Variants in TPST1 observed in about 807,000 individuals in gnomAD.
TPST1 encodes the protein tyrosylprotein sulfotransferase 1.
TPST1 carries 20 observed loss-of-function variants against 34.8 expected under a neutral mutation model. The ratio of observed to expected loss-of-function variants is 0.57; its 90% CI spans 0.40 to 0.84. The LOEUF (loss-of-function observed/expected upper bound fraction) is 0.84, where lower values mean the gene tolerates loss of function less well. TPST1 is among the 40% of genes least tolerant of loss of function. TPST1 has a pLI of 0.00. For synonymous variants in TPST1, 152 were observed against 159.4 expected (o/e 0.95, Z 0.35); for missense variants, 353 against 455.5 (o/e 0.78, Z 2.05).
chr7:66,343,611 AGT>A (rs1792283291), intron 3 of TPST1, among the ~76,000 whole-genome samples: 1 of 152,248 alleles, frequency 6.6e-6, no homozygotes, highest in Non-Finnish European at 1.5e-5. Context: ...TACACAAAAC[AGT>A]AAACACAGCC....
intron 1 of TPST1, among the ~76,000 whole-genome samples, chr7:66,226,476 A>G (rs1789658246): frequency 6.6e-6 from 1 of 152,196 alleles, no homozygotes. Context: ...TCTGCAAGTT[A>G]AGAAACATCC....
At chr7:66,200,945 C>G (rs1789028652), upstream of TPST1, among the ~76,000 whole-genome samples, 1 of 151,916 alleles carries the variant, frequency 6.6e-6, no homozygotes, top group Non-Finnish European at 1.5e-5. Context: ...CCAGGCTGGT[C>G]TCGAACTACT....
intron 3 of TPST1, among the ~76,000 whole-genome samples, chr7:66,312,490 T>C (rs1481444439): frequency 6.6e-6 from 1 of 152,160 alleles, no homozygotes; most frequent in Non-Finnish European, 1.5e-5. Context: ...CAGGAGAAAA[T>C]AGGAGATACT....
chr7:66,274,002 CTT>C (rs369597189), intron 2 of TPST1, among the ~76,000 whole-genome samples: 2 of 148,544 alleles, frequency 1.3e-5, no homozygotes, highest in African/African-American at 4.9e-5. Context: ...TCTTTCTTTT[CTT>C]TTTTTTTTCT....
At chr7:66,283,117 A>C (rs1255413987) in intron 2 of TPST1, among the ~76,000 whole-genome samples, 1 of 151,966 alleles carries the variant, frequency 6.6e-6, no homozygotes. Flanking sequence ...ACAAAAATTA[A>C]CTGGGTATGG....
chr7:66,235,685 G>T (rs771229477), intron 1 of TPST1, among the ~76,000 whole-genome samples: 4 of 152,158 alleles, frequency 2.6e-5, no homozygotes, highest in African/African-American at 7.2e-5. Flanking sequence ...TGGGGAACAC[G>T]CCTGTGAAGC....
chr7:66,296,206 G>A (rs1435773159), intron 3 of TPST1, among the ~76,000 whole-genome samples: 1 of 149,090 alleles, frequency 6.7e-6, no homozygotes, highest in Non-Finnish European at 1.5e-5. Flanking sequence ...GTTTTTGAAA[G>A]GATTTCAAAA....
intron 2 of TPST1, among the ~76,000 whole-genome samples, chr7:66,268,769 A>T (rs1562822462): frequency 6.6e-6 from 1 of 151,974 alleles, no homozygotes; most frequent in African/African-American, 2.4e-5. Flanking sequence ...GCTCACTGCA[A>T]CCTCTGCCTC....
intron 2 of TPST1, among the ~76,000 whole-genome samples, chr7:66,277,272 T>G (rs542392751): frequency 6.6e-6 from 1 of 152,362 alleles, no homozygotes; most frequent in Admixed American, 6.5e-5. Flanking sequence ...TTTGGTTTGA[T>G]GAAACCCTTC....
chr7:66,357,719 T>C (rs1216503452), intron 5 of TPST1, among the ~76,000 whole-genome samples: 1 of 152,176 alleles, frequency 6.6e-6, no homozygotes, highest in Non-Finnish European at 1.5e-5. Flanking sequence ...ACCCAAACTT[T>C]CTTAAGATCA....
intron 3 of TPST1, among the ~76,000 whole-genome samples, chr7:66,320,536 C>T (rs910260565): frequency 2.2e-4 from 34 of 151,448 alleles, no homozygotes; most frequent in African/African-American, 4.9e-4. Flanking sequence ...CGTGAGCCAC[C>T]GCGCCCAGCC....
chr7:66,250,594 C>G (rs1290621023), intron 2 of TPST1, among the ~76,000 whole-genome samples: 1 of 152,122 alleles, frequency 6.6e-6, no homozygotes, highest in Non-Finnish European at 1.5e-5. Context: ...TCCCCCTTAT[C>G]TGCAGATGAT....
chr7:66,257,657 G>A (rs1443017912), intron 2 of TPST1, among the ~76,000 whole-genome samples: 1 of 152,118 alleles, frequency 6.6e-6, no homozygotes, highest in Non-Finnish European at 1.5e-5. Context: ...AGTCCTTTGT[G>A]AAACTCACTG....
chr7:66,203,319 A>G (rs1270349918), upstream of TPST1, among the ~76,000 whole-genome samples: 1 of 151,732 alleles, frequency 6.6e-6, no homozygotes, highest in African/African-American at 2.4e-5. Flanking sequence ...GGCTCACTGC[A>G]GCCTAGAACT....
In TPST1 at chr7:66,237,630, A is replaced by G. The variant is rs183457483; in HGVS notation, c.-101-2695A>G. ...AACAACCAGTAGTCAGGGTAAGGCA[A>G]ACCATTAGGACTGGCTGCTTTGCTA... On this transcript the variant is annotated intron_variant, in intron 1 of 5. Coordinates refer to ENST00000304842, the MANE Select transcript of TPST1 (RefSeq NM_003596.4). Among the ~76,000 whole-genome samples, 182 of 152,284 alleles carry G rather than the reference A, an allele frequency of 1.2e-3. 1 individual carries two copies. Among genetic ancestry groups the G allele is most frequent in the Admixed American group, 3.9e-3 (60 of 15,304 alleles).
At chr7:66,280,091 G>A (rs1002494243) in intron 2 of TPST1, among the ~76,000 whole-genome samples, 22 of 152,152 alleles carry the variant, frequency 1.4e-4, no homozygotes, top group African/African-American at 4.8e-4. Context: ...GGCATTTCTC[G>A]GCCCTTGTGG....
chr7:66,349,828 A>C (rs566961015), intron 3 of TPST1, among the ~76,000 whole-genome samples: 188 of 152,180 alleles, frequency 1.2e-3, no homozygotes, highest in African/African-American at 4.3e-3. Context: ...ACAACAAAAA[A>C]CCCAAAACAA....
intron 2 of TPST1, among the ~76,000 whole-genome samples, chr7:66,265,352 C>T (rs997932271): frequency 1.3e-5 from 2 of 152,010 alleles, no homozygotes; most frequent in Non-Finnish European, 2.9e-5. Flanking sequence ...GAGTTTGAGA[C>T]CAGCCTGCGC....
chr7:66,299,181 G>C (rs1791261792), intron 3 of TPST1, among the ~76,000 whole-genome samples: 1 of 151,686 alleles, frequency 6.6e-6, no homozygotes, highest in Non-Finnish European at 1.5e-5. Flanking sequence ...GCCACAGTTG[G>C]GCTCTTTGTT....
Sources: gnomAD v4.1 joint callset for allele counts (sites outside exome capture counted in the v4.1 genomes callset) on GRCh38, gnomAD v4.1.1 for gene constraint, MANE v1.5 for transcripts, NCBI Gene and HGNC (gene_info 2026-07-23, HGNC 2026-07-21) for gene names.